Variants in ARHGAP12 observed in about 807,000 individuals in gnomAD.
ARHGAP12 encodes the protein Rho GTPase activating protein 12, also known as rho GTPase-activating protein 12.
Under a neutral mutation model 108.6 loss-of-function variants are expected in ARHGAP12, and 64 were observed. The ratio of observed to expected loss-of-function variants is 0.59; its 90% CI spans 0.48 to 0.73. The LOEUF (loss-of-function observed/expected upper bound fraction) is 0.73. Among genes scored for constraint, ARHGAP12 ranks in the 30% least tolerant of loss-of-function variants. ARHGAP12 has a pLI of 0.00. For missense variants in ARHGAP12, 940 were observed against 1,005.9 expected (o/e 0.93, Z 0.89); for synonymous variants, 312 against 337.2 (o/e 0.93, Z 0.82).
At chr10:31,819,795 A>G (rs1037831364) in intron 12 of ARHGAP12, among the ~76,000 whole-genome samples, 1 of 152,216 alleles carries the variant, frequency 6.6e-6, no homozygotes, top group African/African-American at 2.4e-5. Context: ...AAGTGAGATT[A>G]GAAGAAAAAT....
rs567815183 is a variant in ARHGAP12 at position 31,906,404 on chromosome 10, C to T, written c.684+1768G>A. On this transcript the variant is annotated intron_variant, in intron 3 of 19. Coordinates refer to ENST00000344936, the MANE Select transcript of ARHGAP12 (RefSeq NM_018287.7). ...TTTTAAATGAAGAAACTAAAACACACAGAGGTTCAGTGATTTTCCCCAATT... is the reference window on the plus strand; with the variant it reads ...TTTTAAATGAAGAAACTAAAACACATAGAGGTTCAGTGATTTTCCCCAATT... Among the ~76,000 whole-genome samples the T allele has an allele frequency of 3.9e-4, 59 of 152,156 alleles. 1 individual carries two copies. The highest frequency in any genetic ancestry group is 3.9e-4 in the Admixed American group (6 of 15,272).
intron 3 of ARHGAP12, among the ~76,000 whole-genome samples, chr10:31,893,090 C>G (rs1175784667): frequency 6.6e-6 from 1 of 152,148 alleles, no homozygotes; most frequent in Non-Finnish European, 1.5e-5. Context: ...CTCTGGGACA[C>G]ATTTAAAGCA....
intron 3 of ARHGAP12, among the ~76,000 whole-genome samples, chr10:31,903,635 C>A (rs1839012132): frequency 6.6e-6 from 1 of 152,048 alleles, no homozygotes. Flanking sequence ...AACTTGTGCT[C>A]TGCAAAGACA....
intron 3 of ARHGAP12, among the ~76,000 whole-genome samples, chr10:31,871,294 A>G (rs1385057317): frequency 1.3e-5 from 2 of 152,242 alleles, no homozygotes; most frequent in Non-Finnish European, 2.9e-5. Context: ...TTATCATGGT[A>G]TCTTTAATAG....
intron 1 of ARHGAP12, among the ~76,000 whole-genome samples, chr10:31,912,261 G>A (rs1373715273): frequency 6.6e-6 from 1 of 152,106 alleles, no homozygotes; most frequent in East Asian, 1.9e-4. Flanking sequence ...GATGAGCGAG[G>A]GAATATGCAG....
intron 3 of ARHGAP12, among the ~76,000 whole-genome samples, chr10:31,896,496 GAAAA>G (rs1564419373): frequency 2.2e-4 from 33 of 152,112 alleles, no homozygotes; most frequent in African/African-American, 7.9e-4. Context: ...GCCTCATAGA[GAAAA>G]GTCCTATCAT....
chr10:31,817,954 C>T (rs1835269705), intron 12 of ARHGAP12, 68 bp from the exon 13 acceptor site: 3 of 1,138,824 alleles, frequency 2.6e-6, no homozygotes, highest in Non-Finnish European at 3.9e-6. Context: ...ACATGAATAC[C>T]TTTAATTCAA....
chr10:31,807,870 A>T, intron 19 of ARHGAP12, 38 bp from the exon 20 acceptor site: 1 of 1,418,828 alleles, frequency 7.0e-7, no homozygotes, highest in Non-Finnish European at 9.4e-7. Context: ...AGAGAAAATA[A>T]GAGAGAGGGA....
intron 3 of ARHGAP12, among the ~76,000 whole-genome samples, chr10:31,898,185 TCTAC>T (rs1838782202): frequency 6.6e-6 from 1 of 152,148 alleles, no homozygotes; most frequent in South Asian, 2.1e-4. Context: ...GTAAGTGACC[TCTAC>T]CTAAACTATA....
At chr10:31,817,679 T>C (rs1835256906) in intron 13 of ARHGAP12, 109 bp downstream of exon 13, 1 of 662,586 alleles carries the variant, frequency 1.5e-6, no homozygotes, top group South Asian at 2.1e-5. Context: ...CAAACATATA[T>C]AAAGTGCCTT....
intron 3 of ARHGAP12, among the ~76,000 whole-genome samples, chr10:31,879,391 T>G (rs2799026): frequency 0.2 from 30,328 of 152,194 alleles, 3,353 homozygotes; most frequent in East Asian, 0.39. Context: ...CTCAAAACAG[T>G]AACAACAATA....
In ARHGAP12 at chr10:31,819,710, A is replaced by G. The variant is rs552348642; in HGVS notation, c.1632+677T>C. Among the ~76,000 whole-genome samples the G allele has an allele frequency of 4.0e-3, 610 of 152,244 alleles. 3 individuals are homozygous for G. The highest frequency in any genetic ancestry group is 0.01 in the Middle Eastern group (3 of 294). On this transcript the variant is annotated intron_variant, in intron 12 of 19. Coordinates refer to ENST00000344936, the MANE Select transcript of ARHGAP12 (RefSeq NM_018287.7). Reference sequence around the variant, plus strand: ...GGCCTAGCCAACAGCTGGCACCAATACTAGCCATGAGGTCACTTGAGACCA... The same window carrying G: ...GGCCTAGCCAACAGCTGGCACCAATGCTAGCCATGAGGTCACTTGAGACCA...
At chr10:31,840,779 C>T (rs185196181) in intron 7 of ARHGAP12, among the ~76,000 whole-genome samples, 2 of 152,060 alleles carry the variant, frequency 1.3e-5, no homozygotes, top group Admixed American at 1.3e-4. Context: ...TTTGTAAATA[C>T]AGAAACTAGT....
At chr10:31,894,365 A>G (rs1404307463) in intron 3 of ARHGAP12, among the ~76,000 whole-genome samples, 2 of 152,120 alleles carry the variant, frequency 1.3e-5, no homozygotes, top group Non-Finnish European at 2.9e-5. Context: ...TCTCAGCCCA[A>G]AATCTCCTTA....
intron 6 of ARHGAP12, among the ~76,000 whole-genome samples, chr10:31,851,013 G>T (rs1402365291): frequency 6.6e-6 from 1 of 151,948 alleles, no homozygotes; most frequent in African/African-American, 2.4e-5. Context: ...TTTTTATTTG[G>T]ATCTTTTTCA....
intron 1 of ARHGAP12, among the ~76,000 whole-genome samples, chr10:31,920,868 A>C (rs1265413393): frequency 6.6e-6 from 1 of 152,214 alleles, no homozygotes; most frequent in Non-Finnish European, 1.5e-5. Context: ...AATTATGCAA[A>C]GTATGTTCTC....
chr10:31,881,913 ATGT>A (rs1474154938), intron 3 of ARHGAP12, among the ~76,000 whole-genome samples: 13 of 149,616 alleles, frequency 8.7e-5, no homozygotes, highest in South Asian at 2.1e-4. Flanking sequence ...TTTTGTTTAG[ATGT>A]TTTTTTTTTT....
intron 7 of ARHGAP12, 44 bp downstream of exon 7, chr10:31,843,417 A>G (rs775876938): frequency 1.3e-6 from 2 of 1,574,804 alleles, no homozygotes; most frequent in East Asian, 4.5e-5. Flanking sequence ...AATTCACTGT[A>G]CAATATAATG....
At chr10:31,838,198 G>GCA (rs781153397) in intron 9 of ARHGAP12, among the ~76,000 whole-genome samples, 64 of 152,140 alleles carry the variant, frequency 4.2e-4, no homozygotes, top group Non-Finnish European at 7.5e-4. Flanking sequence ...GTTTCAGCAT[G>GCA]CAGAAGAAAT....
Sources: gnomAD v4.1 joint callset for allele counts (sites outside exome capture counted in the v4.1 genomes callset) on GRCh38, gnomAD v4.1.1 for gene constraint, MANE v1.5 for transcripts, NCBI Gene and HGNC (gene_info 2026-07-23, HGNC 2026-07-21) for gene names.